Variants in PPP1R12A observed in about 807,000 individuals in gnomAD.
PPP1R12A encodes the protein myosin binding subunit.
A neutral mutation model predicts 139.6 loss-of-function variants in PPP1R12A; 19 were observed. The observed-to-expected ratio is 0.14, with a 90% CI of 0.09 to 0.20. The LOEUF (loss-of-function observed/expected upper bound fraction) is 0.20. PPP1R12A is among the 10% of genes least tolerant of loss of function. The probability of loss-of-function intolerance (pLI) is 1.00; values close to 1 mark genes in which losing one functional copy is unlikely to be tolerated. For synonymous variants in PPP1R12A, 427 were observed against 420.6 expected, an observed-to-expected ratio of 1.02 and a Z score of -0.19; for missense variants, 925 against 1,211.5, an observed-to-expected ratio of 0.76 and a Z score of 3.51.
intron 1 of PPP1R12A, among the ~76,000 whole-genome samples, chr12:79,896,358 G>A (rs879755418): frequency 2.0e-5 from 3 of 151,824 alleles, no homozygotes; most frequent in Non-Finnish European, 2.9e-5. Context: ...TTTGAGACAC[G>A]GTCTCACTTT....
chr12:79,866,944 T>A (rs1434344038), intron 2 of PPP1R12A, among the ~76,000 whole-genome samples: 9 of 152,186 alleles, frequency 5.9e-5, no homozygotes, highest in African/African-American at 1.9e-4. Flanking sequence ...AGAAATATCA[T>A]TTAACCCAGC....
chr12:79,855,999 T>C (rs894818323), intron 2 of PPP1R12A, among the ~76,000 whole-genome samples: 1 of 152,158 alleles, frequency 6.6e-6, no homozygotes, highest in Non-Finnish European at 1.5e-5. Context: ...TTTTTCTTCC[T>C]ACCTTAGTAC....
chr12:79,827,583 C>A (rs1292335757), intron 5 of PPP1R12A, among the ~76,000 whole-genome samples: 2 of 152,114 alleles, frequency 1.3e-5, no homozygotes, highest in African/African-American at 4.8e-5. Flanking sequence ...ATACTGGTGA[C>A]TGGCTATTGA....
rs186603839 is a variant in PPP1R12A, at chr12:79,843,938, C to T, written c.487+1364G>A. Among the ~76,000 whole-genome samples the T allele has an allele frequency of 6.9e-3, 1,056 of 152,004 alleles. 5 individuals are homozygous for T. The highest frequency in any genetic ancestry group is 0.012 in the Non-Finnish European group (789 of 67,946). On this transcript the variant is annotated intron_variant, in intron 3 of 24. Coordinates refer to ENST00000450142, the MANE Select transcript of PPP1R12A (RefSeq NM_002480.3). ...CAGGCTGGTCTCAAGCTCCTGACCT[C>T]GTGATCTGCCCGCCTTGGCCTCCCA...
intron 3 of PPP1R12A, among the ~76,000 whole-genome samples, chr12:79,838,340 A>G (rs1355539487): frequency 2.6e-5 from 4 of 152,236 alleles, no homozygotes; most frequent in Non-Finnish European, 5.9e-5. Flanking sequence ...AGCAGAGCAT[A>G]AAAGTATGAA....
intron 1 of PPP1R12A, among the ~76,000 whole-genome samples, chr12:79,909,727 TA>T (rs146614526): frequency 0.01 from 1,487 of 143,278 alleles, 24 homozygotes; most frequent in African/African-American, 0.034. Flanking sequence ...AACTCCGTCT[TA>T]AAAAAAAAAA....
At chr12:79,919,327 C>T (rs1004006368) in intron 1 of PPP1R12A, among the ~76,000 whole-genome samples, 9 of 151,804 alleles carry the variant, frequency 5.9e-5, no homozygotes, top group Admixed American at 3.9e-4. Context: ...GAAGCTGAGG[C>T]GGGCGGATCA....
rs777918055 is a variant in PPP1R12A, at chr12:79,828,301, A to G, written c.792+19T>C. On this transcript the variant is annotated intron_variant, in intron 5 of 24. Transcript: ENST00000450142. The stretch of plus-strand genomic sequence containing the variant: ...TATTTCTAAAAGTTAAAGTATTAAA[A>G]TACGTTTAAAACGCCTACCACTTTG... The G allele has an allele frequency of 2.1e-5, 34 of 1,592,458 alleles. No individual in the cohort carries two copies. Among genetic ancestry groups the G allele is most frequent in the Non-Finnish European group, 2.9e-5 (34 of 1,168,658 alleles).
chr12:79,793,028 C>A (rs1872083349), intron 19 of PPP1R12A, among the ~76,000 whole-genome samples: 1 of 152,094 alleles, frequency 6.6e-6, no homozygotes, highest in Admixed American at 6.6e-5. Flanking sequence ...TACTGTAGAT[C>A]CTTGCTGACT....
chr12:79,871,035 A>C (rs904699815), intron 2 of PPP1R12A, among the ~76,000 whole-genome samples: 4 of 152,166 alleles, frequency 2.6e-5, no homozygotes, highest in African/African-American at 7.2e-5. Flanking sequence ...GTAAAACACA[A>C]TTCTAGAGTT....
intron 2 of PPP1R12A, among the ~76,000 whole-genome samples, chr12:79,858,519 T>C (rs1248830227): frequency 6.6e-6 from 1 of 152,218 alleles, no homozygotes; most frequent in Non-Finnish European, 1.5e-5. Context: ...TGGTAATTCA[T>C]TCAAAGTTGA....
In PPP1R12A at chr12:79,820,939, AG is replaced by A. The variant is rs763925491; in HGVS notation, c.957-9del. 6.2e-7 allele frequency: 1 copy of A among 1,612,692 alleles called. No individual in the cohort carries two copies. Among genetic ancestry groups the A allele is most frequent in the Non-Finnish European group, 8.5e-7 (1 of 1,179,360 alleles). Reference sequence around the variant, plus strand: ...ATAATCAACGTCTCTTTGCTGTTAAAGGAAAACAGTGTTCAAATGATTAGAA... The same window carrying A: ...ATAATCAACGTCTCTTTGCTGTTAAAGAAAACAGTGTTCAAATGATTAGAA... On this transcript the variant is annotated splice_polypyrimidine_tract_variant and intron_variant, in intron 7 of 24. Transcript: ENST00000450142.
chr12:79,847,095 T>C (rs1029488420), intron 2 of PPP1R12A, among the ~76,000 whole-genome samples: 5 of 152,184 alleles, frequency 3.3e-5, no homozygotes, highest in African/African-American at 7.2e-5. Context: ...CCTACTATTA[T>C]GTTCCCTCCC....
Position 79,773,727 on chromosome 12 carries a change from T to C in PPP1R12A, c.*2202A>G, listed in dbSNP as rs1869476639. Reference sequence around the variant, plus strand: ...CAATTTCAGAAATTATTCAAATTGGTATCCAAGTAAAGCAATTAGTGAAAA... The same window carrying C: ...CAATTTCAGAAATTATTCAAATTGGCATCCAAGTAAAGCAATTAGTGAAAA... On this transcript the variant is annotated 3_prime_UTR_variant, in exon 25 of 25. Coordinates refer to ENST00000450142, the MANE Select transcript of PPP1R12A (RefSeq NM_002480.3). 6.6e-6 allele frequency: 1 copy of C among 152,188 alleles called. No homozygotes were observed. Among genetic ancestry groups the C allele is most frequent in the Non-Finnish European group, 1.5e-5 (1 of 68,024 alleles). 9.4% of individuals were successfully genotyped at this position (152,188 alleles called of 1,614,324 possible).
At chr12:79,776,136 A>C in intron 24 of PPP1R12A, 121 bp from the exon 25 acceptor site, 1 of 560,082 alleles carries the variant, frequency 1.8e-6, no homozygotes. Context: ...AGTTATATAT[A>C]TTTCTAGTAT....
chr12:79,823,122 G>A (rs1182549183), intron 5 of PPP1R12A, among the ~76,000 whole-genome samples: 1 of 152,058 alleles, frequency 6.6e-6, no homozygotes, highest in East Asian at 1.9e-4. Context: ...CTGTGAAAGA[G>A]AAAAATTTCA....
intron 1 of PPP1R12A, among the ~76,000 whole-genome samples, chr12:79,901,404 T>G (rs868744835): frequency 2.9e-4 from 44 of 152,140 alleles, no homozygotes; most frequent in Middle Eastern, 3.2e-3. Flanking sequence ...ATAAAGCCAC[T>G]ATAAAAATGT....
intron 2 of PPP1R12A, among the ~76,000 whole-genome samples, chr12:79,872,177 C>G (rs1882644492): frequency 6.6e-6 from 1 of 151,944 alleles, no homozygotes; most frequent in Non-Finnish European, 1.5e-5. Flanking sequence ...AGCAGAGAGA[C>G]AACAAAACTG....
At chr12:79,818,415 G>GT (rs1429070605) in intron 8 of PPP1R12A, among the ~76,000 whole-genome samples, 3 of 151,612 alleles carry the variant, frequency 2.0e-5, no homozygotes, top group South Asian at 2.1e-4. Flanking sequence ...TAATTGTTGT[G>GT]TTTTTTTTGT....
Sources: gnomAD v4.1 joint callset for allele counts (sites outside exome capture counted in the v4.1 genomes callset) on GRCh38, gnomAD v4.1.1 for gene constraint, MANE v1.5 for transcripts, NCBI Gene and HGNC (gene_info 2026-07-23, HGNC 2026-07-21) for gene names.